Variants in PTPRQ observed in about 807,000 individuals in gnomAD.
PTPRQ encodes phosphatidylinositol phosphatase PTPRQ.
Under a neutral mutation model 246.0 loss-of-function variants are expected in PTPRQ, and 199 were observed. The observed-to-expected ratio is 0.81, with a 90% CI of 0.72 to 0.91. The LOEUF is 0.91. Ranked by LOEUF, PTPRQ falls within the 40% of genes least tolerant of loss-of-function variation. The pLI, the probability that PTPRQ is intolerant of heterozygous loss-of-function variation, is 0.00. For synonymous variants in PTPRQ, 869 were observed against 853.2 expected (o/e 1.02, Z -0.32); for missense variants, 2,624 against 2,528.4 (o/e 1.04, Z -0.81).
chr12:80,545,707 A>G (rs1046962276), intron 23 of PTPRQ, among the ~76,000 whole-genome samples: 10 of 150,700 alleles, frequency 6.6e-5, no homozygotes, highest in Non-Finnish European at 1.2e-4. Context: ...AAAACTCCCA[A>G]TTTAAGCTTC....
intron 14 of PTPRQ, among the ~76,000 whole-genome samples, chr12:80,502,662 T>TGATGCACA (rs1894837942): frequency 2.0e-5 from 3 of 151,618 alleles, no homozygotes; most frequent in African/African-American, 7.3e-5. Context: ...ATAAGAGAGG[T>TGATGCACA]GATGCACAGT....
At chr12:80,573,315 C>A (rs555457533) in intron 25 of PTPRQ, among the ~76,000 whole-genome samples, 2 of 152,090 alleles carry the variant, frequency 1.3e-5, no homozygotes, top group African/African-American at 4.8e-5. Flanking sequence ...CAGTGAAACC[C>A]CGTCTCTACT....
intron 14 of PTPRQ, among the ~76,000 whole-genome samples, chr12:80,504,614 T>C (rs1894898889): frequency 6.6e-6 from 1 of 151,824 alleles, no homozygotes; most frequent in Non-Finnish European, 1.5e-5. Flanking sequence ...ACTTTAGCTG[T>C]GAGAAATTTA....
At chr12:80,659,660 A>T (rs1040901542) in intron 39 of PTPRQ, among the ~76,000 whole-genome samples, 1 of 152,068 alleles carries the variant, frequency 6.6e-6, no homozygotes, top group African/African-American at 2.4e-5. Context: ...CCCTTGAAAT[A>T]TGGTAGGTTG....
chr12:80,495,201 C>T lies in PTPRQ; in HGVS notation c.1712C>T (p.Ser571Phe). 6.5e-7 allele frequency: 1 copy of T among 1,542,740 alleles called. No individual in the cohort carries two copies. ...SVRTRQQVPS[S>F]IKIINYKNIS... ...CATTCTTCTTTTTAAGTGCCAAGCT[C>T]CATTAAAATTATAAACTATAAAAAT... Residue 571 changes from serine to phenylalanine, a missense_variant, in exon 12 of 45, where the codon TCC (serine) becomes TTC (phenylalanine). Coordinates refer to ENST00000644991, the MANE Select transcript of PTPRQ (RefSeq NM_001145026.2).
Position 80,557,080 on chromosome 12 carries a change from A to T in PTPRQ, c.4285+7346A>T, listed in dbSNP as rs1269779620. On this transcript the variant is annotated intron_variant, in intron 25 of 44. Coordinates refer to ENST00000644991, the MANE Select transcript of PTPRQ (RefSeq NM_001145026.2). The stretch of plus-strand genomic sequence containing the variant: ...ATTGTTTTTGGCCATTTTCCTGAAC[A>T]CTGCAGAAATCTCTTTAGATGGAGG... Among the ~76,000 whole-genome samples, 3 of 152,270 alleles carry T rather than the reference A, an allele frequency of 2.0e-5. No individual in the cohort carries two copies. The East Asian group carries it at 5.8e-4, about 29-fold the overall frequency.
intron 39 of PTPRQ, among the ~76,000 whole-genome samples, chr12:80,666,866 C>T (rs1286599266): frequency 4.6e-5 from 7 of 151,752 alleles, no homozygotes; most frequent in African/African-American, 1.7e-4. Context: ...TTCTCACCAT[C>T]TCCATTGATA....
chr12:80,444,522 A>G (rs1892492474), intron 1 of PTPRQ, 123 bp downstream of exon 1: 1 of 719,142 alleles, frequency 1.4e-6, no homozygotes, highest in South Asian at 1.7e-5. Flanking sequence ...TTAGGCTGTG[A>G]TAACGCAGTA....
chr12:80,578,933 A>G (rs1027525539), intron 25 of PTPRQ, among the ~76,000 whole-genome samples: 3 of 152,098 alleles, frequency 2.0e-5, no homozygotes, highest in African/African-American at 7.2e-5. Context: ...CAAATTTATA[A>G]TTTACTTCTA....
rs1298742007 is a variant in PTPRQ, at chr12:80,634,899, A to C, written c.5787-46A>C. The C allele has an allele frequency of 2.6e-6, 4 of 1,543,152 alleles. No homozygotes were observed. In the South Asian group the frequency reaches 4.9e-5, roughly 19 times the overall value. On this transcript the variant is annotated intron_variant, in intron 34 of 44. Transcript: ENST00000644991. ...AAGAAAACTAAACCTAATTTTATAT[A>C]CTTTGTGTGAAACTCCCTTCTTGGA...
Position 80,590,990 on chromosome 12 carries a change from A to T in PTPRQ, c.4609+2538A>T, listed in dbSNP as rs12316765. Among the ~76,000 whole-genome samples, 378 of 152,240 alleles carry T rather than the reference A, an allele frequency of 2.5e-3. 5 individuals are homozygous for T. The highest frequency in any genetic ancestry group is 8.6e-3 in the African/African-American group (359 of 41,546). ...ACTTAAATGATCCCTGATCAGAATG[A>T]ATTTCCCTGACCACTCAATCTAAAA... On this transcript the variant is annotated intron_variant, in intron 26 of 44. Transcript: ENST00000644991.
In PTPRQ at chr12:80,618,403, C is replaced by CAG. The variant is rs1491009410; in HGVS notation, c.5231-980_5231-979dup. ...ACACACACACACACACACACACACACAGTGAGCTATAAGACCAAATGAAAC... is the reference window on the plus strand; with the variant it reads ...ACACACACACACACACACACACACACAGAGTGAGCTATAAGACCAAATGAAAC... On this transcript the variant is annotated intron_variant, in intron 30 of 44. Coordinates refer to ENST00000644991, the MANE Select transcript of PTPRQ (RefSeq NM_001145026.2). Among the ~76,000 whole-genome samples, 5 of 146,586 alleles carry CAG rather than the reference C, an allele frequency of 3.4e-5. No homozygotes were observed. In the South Asian group the frequency reaches 6.4e-4, roughly 19 times the overall value.
At position 80,493,196 on chromosome 12, in the gene PTPRQ, G is replaced by A. The variant is rs1053906190; in HGVS notation, c.1360-79G>A. On this transcript the variant is annotated intron_variant, in intron 9 of 44. Coordinates refer to ENST00000644991, the MANE Select transcript of PTPRQ (RefSeq NM_001145026.2). ...TAACAGCATGATTCCAAAGTTATAG[G>A]TTTTTTAGAACTAATACTTGATTTA... 2.3e-6 allele frequency: 3 copies of A among 1,331,374 alleles called. No individual in the cohort carries two copies. The African/African-American group carries it at 4.5e-5, about 20-fold the overall frequency. The allele number at this position is 1,331,374 out of a possible 1,614,324, so 82.5% of individuals were successfully genotyped here. A position where few individuals can be genotyped will look rare whatever the true frequency, so the allele number is the denominator to read the frequency against.
At chr12:80,625,555 T>C (rs1899169832) in intron 33 of PTPRQ, among the ~76,000 whole-genome samples, 1 of 152,100 alleles carries the variant, frequency 6.6e-6, no homozygotes, top group East Asian at 1.9e-4. Context: ...AGTTTAAAAT[T>C]AGGGGCAAAA....
At chr12:80,669,923 C>T (rs866584925) in intron 41 of PTPRQ, among the ~76,000 whole-genome samples, 1 of 151,954 alleles carries the variant, frequency 6.6e-6, no homozygotes, top group South Asian at 2.1e-4. Context: ...TATGGGATCT[C>T]AGTTTATATA....
chr12:80,469,356 A>G (rs1893550884), intron 7 of PTPRQ, among the ~76,000 whole-genome samples: 1 of 152,176 alleles, frequency 6.6e-6, no homozygotes, highest in Non-Finnish European at 1.5e-5. Context: ...TAAAGTGGCA[A>G]GTTCTCCAAC....
chr12:80,648,982 T>C, intron 36 of PTPRQ, 59 bp downstream of exon 36: 1 of 1,448,960 alleles, frequency 6.9e-7, no homozygotes, highest in East Asian at 2.7e-5. Context: ...ATGCACTGAC[T>C]CAGTAGAACC....
At chr12:80,602,500 C>G (rs887208719) in intron 26 of PTPRQ, among the ~76,000 whole-genome samples, 1 of 151,722 alleles carries the variant, frequency 6.6e-6, no homozygotes, top group African/African-American at 2.4e-5. Flanking sequence ...AAGGTGCAGA[C>G]AGATTTGCTT....
At chr12:80,475,758 T>C (rs1893790404) in intron 8 of PTPRQ, among the ~76,000 whole-genome samples, 1 of 152,078 alleles carries the variant, frequency 6.6e-6, no homozygotes, top group Non-Finnish European at 1.5e-5. Context: ...TTGTAATTTT[T>C]GGCATTAAGT....
Sources: allele counts gnomAD v4.1 joint callset (sites outside exome capture counted in the v4.1 genomes callset), GRCh38; gene constraint gnomAD v4.1.1; transcripts MANE v1.5; gene names NCBI Gene and HGNC (gene_info 2026-07-23, HGNC 2026-07-21).